Variants in DZANK1 observed in about 807,000 individuals in gnomAD.
DZANK1 encodes the protein double zinc ribbon and ankyrin repeat domains 1.
A neutral mutation model predicts 94.5 loss-of-function variants in DZANK1; 91 were observed. That is an observed-to-expected ratio of 0.96 (90% CI 0.81 to 1.15). The LOEUF is 1.15. Among genes scored for constraint, DZANK1 ranks in the 50% most tolerant of loss-of-function variants. The pLI, the probability that DZANK1 is intolerant of heterozygous loss-of-function variation, is 0.00. For missense variants in DZANK1, 903 were observed against 916.4 expected (o/e 0.99, Z 0.19); for synonymous variants, 312 against 325.3 (o/e 0.96, Z 0.44).
At chr20:18,458,312 T>A (rs537745647) in intron 3 of DZANK1, among the ~76,000 whole-genome samples, 2 of 152,326 alleles carry the variant, frequency 1.3e-5, no homozygotes, top group African/African-American at 2.4e-5. Flanking sequence ...TTGTTTTTTT[T>A]AAAGAAGAGA....
chr20:18,465,426 G>A, intron 1 of DZANK1, 49 bp from the exon 2 acceptor site: 3 of 147,950 alleles, frequency 2.0e-5, no homozygotes, highest in Admixed American at 1.1e-4. Context: ...AAGCTGAAGA[G>A]CAGCACTTAA....
At chr20:18,438,638 C>A (rs1396224494) in intron 8 of DZANK1, among the ~76,000 whole-genome samples, 1 of 152,166 alleles carries the variant, frequency 6.6e-6, no homozygotes, top group Non-Finnish European at 1.5e-5. Context: ...GAAGATAGAA[C>A]AATTATAAGT....
chr20:18,413,226 C>T, intron 12 of DZANK1: 1 of 242,108 alleles, frequency 4.1e-6, no homozygotes, highest in Non-Finnish European at 8.0e-6. Context: ...TGCATCTAAA[C>T]CTGGGGACCT....
At position 18,427,161 on chromosome 20, in the gene DZANK1, T is replaced by G. The variant is rs754206894; in HGVS notation, c.862-2A>C. ...ACAGGCCCGGCAAATTACCTTCTCC[T>G]TAACAACAAAAAATAAGACATACAT... is the stretch of plus-strand genomic sequence containing the variant. On this transcript the variant is annotated splice_acceptor_variant, in intron 9 of 20. Coordinates refer to ENST00000262547, the Ensembl canonical transcript of DZANK1. LOFTEE classifies it high-confidence loss of function. 6 of 1,610,574 alleles carry G rather than the reference T, an allele frequency of 3.7e-6. No homozygotes were observed. Among genetic ancestry groups the G allele is most frequent in the Non-Finnish European group, 5.1e-6 (6 of 1,177,742 alleles).
chr20:18,433,520 T>A, intron 9 of DZANK1, 132 bp downstream of exon 9: 1 of 733,862 alleles, frequency 1.4e-6, no homozygotes, highest in Non-Finnish European at 2.2e-6. Context: ...CCAGCCTGTG[T>A]GACAGAACAA....
chr20:18,394,652 CT>C, intron 15 of DZANK1: 1 of 580,356 alleles, frequency 1.7e-6, no homozygotes. Flanking sequence ...GCCAGCCTCC[CT>C]GCATGTGGCT....
intron 13 of DZANK1, among the ~76,000 whole-genome samples, chr20:18,409,387 A>G (rs2057120965): frequency 6.6e-6 from 1 of 152,222 alleles, no homozygotes; most frequent in Non-Finnish European, 1.5e-5. Context: ...AAGACAGTAG[A>G]TCAACGTATT....
At chr20:18,391,701 C>T (rs1049294542) in intron 17 of DZANK1, among the ~76,000 whole-genome samples, 2 of 152,226 alleles carry the variant, frequency 1.3e-5, no homozygotes, top group Non-Finnish European at 2.9e-5. Flanking sequence ...CACAGGACCA[C>T]CATTTCCATT....
intron 9 of DZANK1, chr20:18,432,557 C>T (rs2058325547): frequency 6.6e-6 from 1 of 152,204 alleles, no homozygotes; most frequent in African/African-American, 2.4e-5. Context: ...GCCTTGTACA[C>T]TTGTGAACTC....
At chr20:18,434,058 T>C in intron 8 of DZANK1, 1 of 261,214 alleles carries the variant, frequency 3.8e-6, no homozygotes, top group Non-Finnish European at 7.2e-6. Context: ...CCCATAAATA[T>C]GTACAATTAC....
At chr20:18,406,091 G>T (rs900689620) in intron 13 of DZANK1, among the ~76,000 whole-genome samples, 1 of 152,232 alleles carries the variant, frequency 6.6e-6, no homozygotes. Context: ...GGTGCTCTGG[G>T]ATCATAGGTA....
Position 18,455,376 on chromosome 20 carries a change from TAAGA to T in DZANK1, c.264-19_264-16del. ...GTCTGCAGTCTCTGAAAATTATTAT[TAAGA>T]AAGGAAAAAGTCTGTGTTACACAAA... On this transcript the variant is annotated splice_polypyrimidine_tract_variant and intron_variant, in intron 3 of 20. Transcript: ENST00000262547. The T allele has an allele frequency of 6.4e-7, 1 of 1,553,884 alleles. No individual in the cohort carries two copies. The highest frequency in any genetic ancestry group is 8.7e-7 in the Non-Finnish European group (1 of 1,143,410).
chr20:18,429,390 C>T (rs1279452044), intron 9 of DZANK1, among the ~76,000 whole-genome samples: 2 of 152,186 alleles, frequency 1.3e-5, no homozygotes, highest in East Asian at 3.8e-4. Context: ...CCCTGCCTTA[C>T]AAAACCCTGT....
intron 7 of DZANK1, among the ~76,000 whole-genome samples, chr20:18,444,601 A>C (rs763840776): frequency 1.6e-4 from 24 of 152,178 alleles, no homozygotes; most frequent in Non-Finnish European, 3.1e-4. Flanking sequence ...AGTCTTCAGG[A>C]TTCACACAGG....
intron 10 of DZANK1, among the ~76,000 whole-genome samples, chr20:18,417,827 T>C (rs2148479456): frequency 6.6e-6 from 1 of 152,152 alleles, no homozygotes; most frequent in East Asian, 1.9e-4. Context: ...GGCTCACACC[T>C]GTAATCCCAG....
In DZANK1 at chr20:18,447,980, T is replaced by A. The variant is rs539052641; in HGVS notation, c.629+1004A>T. On this transcript the variant is annotated intron_variant, in intron 7 of 20. Transcript: ENST00000262547. ...TGTATACATAATGACTTTGGGGTTT[T>A]AAAAATTATTTTATTGTATCTGTTA... 9.2e-5 allele frequency among the ~76,000 whole-genome samples: 14 copies of A among 152,360 alleles called. No individual in the cohort carries two copies. In the South Asian group the frequency reaches 2.5e-3, roughly 27 times the overall value.
chr20:18,426,704 A>C (rs1392957743), intron 10 of DZANK1, among the ~76,000 whole-genome samples: 1 of 152,230 alleles, frequency 6.6e-6, no homozygotes, highest in African/African-American at 2.4e-5. Context: ...ATACAGAGTC[A>C]ACGAAGACAA....
At chr20:18,418,998 A>C (rs945143229) in intron 10 of DZANK1, among the ~76,000 whole-genome samples, 4 of 152,330 alleles carry the variant, frequency 2.6e-5, no homozygotes, top group Non-Finnish European at 5.9e-5. Flanking sequence ...GCGGTGGCTC[A>C]TGCCTGTAAT....
At chr20:18,440,137 C>T (rs1471529475) in intron 8 of DZANK1, among the ~76,000 whole-genome samples, 1 of 152,184 alleles carries the variant, frequency 6.6e-6, no homozygotes, top group African/African-American at 2.4e-5. Context: ...AGAAACCAAA[C>T]CTGCTGGCGC....
Sources: allele counts gnomAD v4.1 joint callset (sites outside exome capture counted in the v4.1 genomes callset), GRCh38; gene constraint gnomAD v4.1.1; transcripts MANE v1.5; gene names NCBI Gene and HGNC (gene_info 2026-07-23, HGNC 2026-07-21).